The following TNFRSF11A variants were observed in gnomAD, a reference collection of about 807,000 sequenced individuals.
TNFRSF11A encodes the protein TNF receptor superfamily member 11a.
A neutral mutation model predicts 55.7 loss-of-function variants in TNFRSF11A; 32 were observed. The ratio of observed to expected loss-of-function variants is 0.57; its 90% CI spans 0.43 to 0.77. TNFRSF11A has a LOEUF of 0.77. Ranked by LOEUF, TNFRSF11A falls within the 30% of genes least tolerant of loss-of-function variation. The pLI is 0.00. For missense variants in TNFRSF11A, 753 were observed against 809.8 expected (o/e 0.93, Z 0.85); for synonymous variants, 311 against 331.0 (o/e 0.94, Z 0.65).
At chr18:62,327,726 AGT>A (rs1322200549) in intron 1 of TNFRSF11A, among the ~76,000 whole-genome samples, 1 of 152,236 alleles carries the variant, frequency 6.6e-6, no homozygotes, top group Non-Finnish European at 1.5e-5. Context: ...GCTTCCAGAA[AGT>A]GCCTTATCTG....
At chr18:62,366,192 G>A (rs1910074205) in intron 7 of TNFRSF11A, among the ~76,000 whole-genome samples, 1 of 152,204 alleles carries the variant, frequency 6.6e-6, no homozygotes, top group African/African-American at 2.4e-5. Context: ...AAGACTTGCG[G>A]TGGACTCTGT....
At chr18:62,377,556 T>A (rs1910984142) in intron 9 of TNFRSF11A, among the ~76,000 whole-genome samples, 2 of 152,170 alleles carry the variant, frequency 1.3e-5, no homozygotes. Context: ...CAGCATTTGG[T>A]GTTGTCAGTG....
chr18:62,344,210 C>T (rs1327859134), intron 1 of TNFRSF11A, among the ~76,000 whole-genome samples: 2 of 152,124 alleles, frequency 1.3e-5, no homozygotes, highest in Non-Finnish European at 2.9e-5. Flanking sequence ...AGCTATTGTT[C>T]GTTTTGAATT....
chr18:62,386,525 T>G lies in TNFRSF11A; in HGVS notation c.*1491T>G, dbSNP rs1462313382. 1.3e-5 allele frequency: 2 copies of G among 152,236 alleles called. No homozygotes were observed. Among genetic ancestry groups the G allele is most frequent in the African/African-American group, 4.8e-5 (2 of 41,462 alleles). The allele number at this position is 152,236 out of a possible 1,614,324, so 9.4% of individuals were successfully genotyped here. On this transcript the variant is annotated 3_prime_UTR_variant, in exon 10 of 10. Transcript: ENST00000586569. ...GTGGAAGGAAATCCCCTGGGTGGTTTTATCTTTTGTTACCCAGTGAGCACT... is the reference window on the plus strand; with the variant it reads ...GTGGAAGGAAATCCCCTGGGTGGTTGTATCTTTTGTTACCCAGTGAGCACT...
At position 62,385,796 on chromosome 18, in the gene TNFRSF11A, A is replaced by G. The variant is rs1911692743; in HGVS notation, c.*762A>G. 6.6e-6 allele frequency: 1 copy of G among 151,878 alleles called. No homozygotes were observed. The highest frequency in any genetic ancestry group is 1.5e-5 in the Non-Finnish European group (1 of 68,052). The allele number at this position is 151,878 out of a possible 1,614,324, so 9.4% of individuals were successfully genotyped here. ...GCCCCCACGCTGGCCTGCTTTACGT[A>G]TTTTCTTTTGTGCCCCTGCTCACAG... On this transcript the variant is annotated 3_prime_UTR_variant, in exon 10 of 10. Coordinates refer to ENST00000586569, the MANE Select transcript of TNFRSF11A (RefSeq NM_003839.4).
In TNFRSF11A at chr18:62,385,169, C is replaced by G; in HGVS notation, c.*135C>G. ...AAGACCACCCGGCATTCTCTGCCCA[C>G]TTTGCCTTCCAGGAAATGGGCTTTT... is the stretch of plus-strand genomic sequence containing the variant. On this transcript the variant is annotated 3_prime_UTR_variant, in exon 10 of 10. Transcript: ENST00000586569. 2 of 1,066,416 alleles carry G rather than the reference C, an allele frequency of 1.9e-6. No individual in the cohort carries two copies. Among genetic ancestry groups the G allele is most frequent in the Non-Finnish European group, 2.5e-6 (2 of 805,882 alleles). 66.1% of individuals were successfully genotyped at this position (1,066,416 alleles called of 1,614,324 possible).
At chr18:62,342,843 G>T (rs1355393593) in intron 1 of TNFRSF11A, among the ~76,000 whole-genome samples, 4 of 152,224 alleles carry the variant, frequency 2.6e-5, no homozygotes, top group Admixed American at 6.5e-5. Flanking sequence ...AAGAGCATTT[G>T]TTTGTAGGTT....
Position 62,385,003 on chromosome 18 carries a change from C to T in TNFRSF11A, c.1820C>T (p.Pro607Leu), listed in dbSNP as rs1241766595. The T allele has an allele frequency of 2.7e-6, 4 of 1,478,648 alleles. No homozygotes were observed. The highest frequency in any genetic ancestry group is 2.5e-5 in the Admixed American group (1 of 39,788). The allele number at this position is 1,478,648 out of a possible 1,614,324, so 91.6% of individuals were successfully genotyped here. A position where few individuals can be genotyped will look rare whatever the true frequency, so the allele number is the denominator to read the frequency against. The change falls in exon 10 of 10, where the codon CCG becomes CTG. Residue 607 changes from proline to leucine, a missense_variant. Physicochemically the swap from Pro to Leu is moderately conservative, Grantham distance 98 (BLOSUM62 -3). Coordinates refer to ENST00000586569, the MANE Select transcript of TNFRSF11A (RefSeq NM_003839.4). ...GLREPEKASRPVQEQGGAKA is the reference protein window; with the variant it reads ...GLREPEKASRLVQEQGGAKA ...CGGGAGCCGGAGAAGGCCTCGAGGC[C>T]GGTGCAGGAGCAAGGCGGGGCCAAG...
intron 3 of TNFRSF11A, among the ~76,000 whole-genome samples, chr18:62,350,656 C>T (rs2046454478): frequency 6.6e-6 from 1 of 152,118 alleles, no homozygotes; most frequent in African/African-American, 2.4e-5. Context: ...AAGGTTAACA[C>T]GTGTGAAGCA....
intron 4 of TNFRSF11A, among the ~76,000 whole-genome samples, chr18:62,356,135 T>C (rs958923514): frequency 6.6e-6 from 1 of 152,264 alleles, no homozygotes; most frequent in Non-Finnish European, 1.5e-5. Flanking sequence ...AGCGTTTTTT[T>C]CCACGACTTA....
chr18:62,379,308 A>C (rs561369460), intron 9 of TNFRSF11A, among the ~76,000 whole-genome samples: 28 of 152,316 alleles, frequency 1.8e-4, no homozygotes, highest in African/African-American at 6.7e-4. Context: ...CACACTGATT[A>C]TTCACAACTC....
At chr18:62,372,279 C>T (rs1343478366) in intron 9 of TNFRSF11A, among the ~76,000 whole-genome samples, 2 of 152,174 alleles carry the variant, frequency 1.3e-5, no homozygotes, top group Non-Finnish European at 2.9e-5. Flanking sequence ...ATCCTGATGA[C>T]GTGATGGTTG....
Position 62,369,078 on chromosome 18 carries a change from C to A in TNFRSF11A, c.1161C>A (p.Ser387Arg), listed in dbSNP as rs1910315228. 6.2e-7 allele frequency: 1 copy of A among 1,614,104 alleles called. No homozygotes were observed. The highest frequency in any genetic ancestry group is 1.3e-5 in the African/African-American group (1 of 75,066). ...AGGTGGGGGAGAATGACAGTTTAAG[C>A]CAGTGCTTCACGGGGACACAGAGCA... ...PLEVGENDSL[S>R]QCFTGTQSTV... is the part of the protein sequence containing the mutation. Residue 387 changes from serine to arginine, a missense_variant, in exon 9 of 10, where the codon AGC (serine) becomes AGA (arginine). Ser to Arg is a moderately radical substitution (Grantham distance 110, BLOSUM62 -1). Transcript: ENST00000586569.
chr18:62,365,789 C>CTTTATAT (rs1386679894), intron 7 of TNFRSF11A, among the ~76,000 whole-genome samples: 6 of 151,908 alleles, frequency 3.9e-5, no homozygotes, highest in African/African-American at 1.4e-4. Context: ...GCTTCATAGC[C>CTTTATAT]TTTATTTTTT....
rs1052615220 is a variant in TNFRSF11A, at chr18:62,383,943, A to T, written c.1568-808A>T. Among the ~76,000 whole-genome samples, 1 of 152,104 alleles carries T rather than the reference A, an allele frequency of 6.6e-6. No homozygotes were observed. Among genetic ancestry groups the T allele is most frequent in the African/African-American group, 2.4e-5 (1 of 41,494 alleles). ...ATCCTCCAGGGCTGAGTTGTTAGGG[A>T]CCATGAGGAACCAAGGCACCCACGG... On this transcript the variant is annotated intron_variant, in intron 9 of 9. Coordinates refer to ENST00000586569, the MANE Select transcript of TNFRSF11A (RefSeq NM_003839.4). The surrounding 1 kb of genome is among the most constrained non-coding windows in gnomAD (Gnocchi z 4.2).
intron 5 of TNFRSF11A, 100 bp from the exon 6 acceptor site, chr18:62,359,855 C>T (rs1395571429): frequency 2.9e-6 from 3 of 1,051,000 alleles, no homozygotes; most frequent in Non-Finnish European, 4.4e-6. Flanking sequence ...GTGGGTTCCT[C>T]TCCTGAAGGA....
chr18:62,384,847 C>T lies in TNFRSF11A; in HGVS notation c.1664C>T (p.Ser555Leu). 3 of 1,608,870 alleles carry T rather than the reference C, an allele frequency of 1.9e-6. No individual in the cohort carries two copies. Among genetic ancestry groups the T allele is most frequent in the Middle Eastern group, 1.7e-4 (1 of 6,050 alleles). The change falls in exon 10 of 10, where the codon TCG becomes TTG. Residue 555 changes from serine to leucine, a missense_variant. Ser to Leu is a moderately radical substitution (Grantham distance 145). This residue lies in a region of TNFRSF11A where 567 missense variants were observed against 596.7 expected (regional missense o/e 0.95). Coordinates refer to ENST00000586569, the MANE Select transcript of TNFRSF11A (RefSeq NM_003839.4). ...DIIVVYVSQT[S>L]QEGAAAAAEP... ...ATCGTGGTCTACGTCAGCCAGACCT[C>T]GCAGGAGGGCGCGGCGGCGGCTGCG...
At chr18:62,381,956 T>C (rs757924430) in intron 9 of TNFRSF11A, among the ~76,000 whole-genome samples, 1 of 152,184 alleles carries the variant, frequency 6.6e-6, no homozygotes, top group Non-Finnish European at 1.5e-5. Flanking sequence ...TATCAGCCCC[T>C]GGTCAGCAGT....
At chr18:62,357,972 A>G in intron 4 of TNFRSF11A, 1 of 443,512 alleles carries the variant, frequency 2.3e-6, no homozygotes, top group Non-Finnish European at 4.2e-6. Context: ...TGACCTGGAC[A>G]TCACATACCA....
Sources: gnomAD v4.1 joint callset for allele counts (sites outside exome capture counted in the v4.1 genomes callset) on GRCh38, gnomAD v4.1.1 for gene constraint, gnomAD v4.1.1 regional missense constraint, Gnocchi (gnomAD v3.1) non-coding constraint, MANE v1.5 for transcripts, NCBI Gene and HGNC (gene_info 2026-07-23, HGNC 2026-07-21) for gene names.